The following ADAMTS14 variants were observed in gnomAD, a reference collection of about 807,000 sequenced individuals.
The protein encoded by ADAMTS14 is A disintegrin and metalloproteinase with thrombospondin motifs 14.
ADAMTS14 carries 100 observed loss-of-function variants against 128.6 expected under a neutral mutation model. The ratio of observed to expected loss-of-function variants is 0.78; its 90% CI spans 0.66 to 0.92. The LOEUF (loss-of-function observed/expected upper bound fraction) is 0.92. Among genes scored for constraint, ADAMTS14 ranks in the 40% least tolerant of loss-of-function variants. The probability of loss-of-function intolerance (pLI) is 0.00; values close to 1 mark genes in which losing one functional copy is unlikely to be tolerated. For synonymous variants in ADAMTS14, 665 were observed against 653.8 expected, an observed-to-expected ratio of 1.02 and a Z score of -0.26; for missense variants, 1,562 against 1,658.6, an observed-to-expected ratio of 0.94 and a Z score of 1.01.
intron 4 of ADAMTS14, among the ~76,000 whole-genome samples, chr10:70,714,968 A>T (rs4271315): frequency 7.6e-6 from 1 of 132,444 alleles, no homozygotes; most frequent in East Asian, 2.2e-4. Context: ...AAAAAAAAAA[A>T]AAAAGAAACA....
intron 10 of ADAMTS14, among the ~76,000 whole-genome samples, chr10:70,737,581 T>C (rs1190436049): frequency 2.6e-5 from 4 of 152,310 alleles, no homozygotes; most frequent in Middle Eastern, 6.8e-3. Flanking sequence ...CCTCCTGCCC[T>C]AGCCAGGCTC....
chr10:70,738,794 TCAG>T (rs760444911), intron 10 of ADAMTS14, 45 bp from the exon 11 acceptor site: 2 of 1,611,720 alleles, frequency 1.2e-6, no homozygotes, highest in Non-Finnish European at 8.5e-7. Flanking sequence ...CCGGGTGGGC[TCAG>T]CAGCAGCAGC....
chr10:70,742,097 C>T (rs1457053282), intron 12 of ADAMTS14, among the ~76,000 whole-genome samples: 1 of 152,194 alleles, frequency 6.6e-6, no homozygotes, highest in Non-Finnish European at 1.5e-5. Flanking sequence ...GAAGGGACCT[C>T]AGAGGCCTGT....
chr10:70,700,108 T>C (rs1047444182), intron 2 of ADAMTS14, among the ~76,000 whole-genome samples: 2 of 151,990 alleles, frequency 1.3e-5, no homozygotes, highest in Non-Finnish European at 2.9e-5. Flanking sequence ...GCGGTAGGCC[T>C]TGGAGGTGTG....
chr10:70,758,730 A>G (rs986310904), intron 21 of ADAMTS14, among the ~76,000 whole-genome samples: 6 of 152,198 alleles, frequency 3.9e-5, no homozygotes, highest in African/African-American at 7.2e-5. Context: ...AGCTGCCTTC[A>G]TAGGGCTGGT....
At chr10:70,757,133 TG>T (rs1237759841) in intron 19 of ADAMTS14, among the ~76,000 whole-genome samples, 5 of 152,130 alleles carry the variant, frequency 3.3e-5, no homozygotes, top group African/African-American at 1.2e-4. Flanking sequence ...CCAGTCACAC[TG>T]GGCAACGCTG....
At chr10:70,745,437 C>A (rs774802824) in intron 15 of ADAMTS14, 131 bp downstream of exon 15, 23 of 932,444 alleles carry the variant, frequency 2.5e-5, no homozygotes, top group East Asian at 2.6e-5. Flanking sequence ...TGGGCAGAGA[C>A]CCCCTTTTCA....
chr10:70,685,986 G>A (rs1216227267), intron 2 of ADAMTS14, among the ~76,000 whole-genome samples: 2 of 152,138 alleles, frequency 1.3e-5, no homozygotes, highest in African/African-American at 2.4e-5. Flanking sequence ...ATGCTCAAAC[G>A]GAACCTTCTG....
rs1304629143 is a variant in ADAMTS14 at position 70,672,669 on chromosome 10, G to A, written c.-134G>A. On this transcript the variant is annotated 5_prime_UTR_variant, in exon 1 of 22. Coordinates refer to ENST00000373207, the MANE Select transcript of ADAMTS14 (RefSeq NM_080722.4). Reference sequence around the variant, plus strand: ...GCAGGCGGGAGGGAAGCAGCTAGGCGGGGAGGCGGCTGAGGCGGCAGCGGC... The same window carrying A: ...GCAGGCGGGAGGGAAGCAGCTAGGCAGGGAGGCGGCTGAGGCGGCAGCGGC... 4 of 1,223,638 alleles carry A rather than the reference G, an allele frequency of 3.3e-6. No individual in the cohort carries two copies. Among genetic ancestry groups the A allele is most frequent in the Non-Finnish European group, 1.0e-6 (1 of 963,036 alleles). The allele number at this position is 1,223,638 out of a possible 1,614,324, so 75.8% of individuals were successfully genotyped here.
At position 70,749,841 on chromosome 10, in the gene ADAMTS14, C is replaced by T. The variant is rs150715225; in HGVS notation, c.2283C>T (p.Thr761=). The T allele has an allele frequency of 1.8e-5, 29 of 1,613,866 alleles. No homozygotes were observed. Among genetic ancestry groups the T allele is most frequent in the East Asian group, 6.7e-5 (3 of 44,850 alleles). Reference sequence around the variant, plus strand: ...GGTCAGTGGTGAAGAACCAGGTCACCGGCAGCTTCATCCTCAACCCCAAGG... The same window carrying T: ...GGTCAGTGGTGAAGAACCAGGTCACTGGCAGCTTCATCCTCAACCCCAAGG... ...PHRIVVKNQV[T]GSFILNPKGK... Residue 761 remains threonine, a synonymous_variant, in exon 16 of 22, where the codon ACC becomes ACT. Transcript: ENST00000373207.
rs147537124 is a variant in ADAMTS14, at chr10:70,743,445, C to T, written c.1925-103C>T. ...CACACCCAGTGCTCCCCCAACTGTC[C>T]AGAGCTGGCCCCGGAGCTTTCTGGC... On this transcript the variant is annotated intron_variant, in intron 12 of 21. Coordinates refer to ENST00000373207, the MANE Select transcript of ADAMTS14 (RefSeq NM_080722.4). The T allele has an allele frequency of 1.7e-4, 235 of 1,411,508 alleles. No homozygotes were observed. The African/African-American group carries it at 3.0e-3, about 18-fold the overall frequency. The allele number at this position is 1,411,508 out of a possible 1,614,324, so 87.4% of individuals were successfully genotyped here. A position where few individuals can be genotyped will look rare whatever the true frequency, so the allele number is the denominator to read the frequency against.
intron 21 of ADAMTS14, among the ~76,000 whole-genome samples, chr10:70,758,987 T>C (rs953618855): frequency 6.6e-6 from 1 of 152,118 alleles, no homozygotes; most frequent in African/African-American, 2.4e-5. Flanking sequence ...GCAAGATGAG[T>C]AGCAGAAAGA....
At position 70,753,895 on chromosome 10, in the gene ADAMTS14, G is replaced by GA. The variant is rs1415161734; in HGVS notation, c.2827dup (p.Thr943AsnfsTer16). 6.3e-7 allele frequency: 1 copy of GA among 1,592,178 alleles called. No homozygotes were observed. Among genetic ancestry groups the GA allele is most frequent in the Non-Finnish European group, 8.5e-7 (1 of 1,170,510 alleles). On this transcript the variant is annotated frameshift_variant, in exon 19 of 22. Transcript: ENST00000373207. LOFTEE classifies it high-confidence loss of function. Reference sequence around the variant, plus strand: ...CAGTGCCTGCTGCCCCTCTCCAATGGAACCCACAAGGTCATGCCGGCCAAA... The same window carrying GA: ...CAGTGCCTGCTGCCCCTCTCCAATGGAAACCCACAAGGTCATGCCGGCCAAA...
intron 10 of ADAMTS14, among the ~76,000 whole-genome samples, chr10:70,738,376 C>T (rs1301040735): frequency 6.6e-6 from 1 of 152,148 alleles, no homozygotes; most frequent in Non-Finnish European, 1.5e-5. Context: ...TTCATGCATA[C>T]ACTCCTTCCA....
intron 2 of ADAMTS14, among the ~76,000 whole-genome samples, chr10:70,695,115 T>G (rs532211031): frequency 6.6e-6 from 1 of 152,378 alleles, no homozygotes; most frequent in Non-Finnish European, 1.5e-5. Context: ...CTGATGATAT[T>G]GAACATCTTT....
intron 2 of ADAMTS14, among the ~76,000 whole-genome samples, chr10:70,697,659 C>T (rs73276173): frequency 0.061 from 9,359 of 152,252 alleles, 575 homozygotes; most frequent in African/African-American, 0.16. Context: ...GTGGGTGACC[C>T]GCTGCACTTG....
intron 17 of ADAMTS14, 39 bp from the exon 18 acceptor site, chr10:70,752,056 T>A (rs943386146): frequency 1.9e-6 from 3 of 1,583,290 alleles, no homozygotes; most frequent in Non-Finnish European, 2.6e-6. Context: ...ATGGGGGGCC[T>A]GGCTGGACTA....
At chr10:70,739,453 T>C (rs946740) in intron 11 of ADAMTS14, among the ~76,000 whole-genome samples, 151,681 of 152,140 alleles carry the variant, frequency 1, 75,612 homozygotes, top group East Asian at 1. Context: ...TCCCCACCCC[T>C]GAGTTTTAGC....
At position 70,696,102 on chromosome 10, in the gene ADAMTS14, G is replaced by C. The variant is rs183411467; in HGVS notation, c.523-6210G>C. The stretch of plus-strand genomic sequence containing the variant: ...AGTAGCTGGGCAGGGATGGGAGGTA[G>C]AGAGTTTCAAAGATGCGGGACACTC... On this transcript the variant is annotated intron_variant, in intron 2 of 21. Coordinates refer to ENST00000373207, the MANE Select transcript of ADAMTS14 (RefSeq NM_080722.4). 2.8e-4 allele frequency among the ~76,000 whole-genome samples: 43 copies of C among 152,318 alleles called. No homozygotes were observed. The East Asian group carries it at 7.3e-3, about 26-fold the overall frequency.
Sources: gnomAD v4.1 joint callset for allele counts (sites outside exome capture counted in the v4.1 genomes callset) on GRCh38, gnomAD v4.1.1 for gene constraint, MANE v1.5 for transcripts, NCBI Gene and HGNC (gene_info 2026-07-23, HGNC 2026-07-21) for gene names.